Variants in TDRD3 observed in about 807,000 individuals in gnomAD.
TDRD3 encodes tudor domain containing 3.
TDRD3 carries 45 observed loss-of-function variants against 86.7 expected under a neutral mutation model. The observed-to-expected ratio is 0.52, with a 90% CI of 0.41 to 0.67. The LOEUF is 0.67. Ranked by LOEUF, TDRD3 falls within the 30% of genes least tolerant of loss-of-function variation. The pLI is 0.00. For missense variants in TDRD3, 814 were observed against 889.0 expected, an observed-to-expected ratio of 0.92 and a Z score of 1.07; for synonymous variants, 298 against 301.7, an observed-to-expected ratio of 0.99 and a Z score of 0.13.
At chr13:60,481,393 G>T in intron 5 of TDRD3, among the ~76,000 whole-genome samples, 2 of 139,280 alleles carry the variant, frequency 1.4e-5, no homozygotes, top group African/African-American at 2.7e-5. Context: ...ACATACATTA[G>T]ACTGCTGGTA....
At chr13:60,455,059 G>A (rs1482190429) in intron 3 of TDRD3, among the ~76,000 whole-genome samples, 3 of 151,916 alleles carry the variant, frequency 2.0e-5, no homozygotes, top group Non-Finnish European at 2.9e-5. Context: ...GATTACAGGC[G>A]CCTGCCACCA....
chr13:60,408,802 C>T (rs1954293200), intron 1 of TDRD3, among the ~76,000 whole-genome samples: 1 of 152,152 alleles, frequency 6.6e-6, no homozygotes, highest in South Asian at 2.1e-4. Flanking sequence ...AAAGAAAAAC[C>T]CATTTTCTAG....
intron 4 of TDRD3, chr13:60,461,033 A>T (rs538419497): frequency 3.3e-5 from 5 of 151,944 alleles, no homozygotes; most frequent in East Asian, 1.9e-4. Flanking sequence ...AAAATAAATT[A>T]AAAAATAGTT....
intron 6 of TDRD3, among the ~76,000 whole-genome samples, chr13:60,485,165 C>G (rs1266086197): frequency 6.6e-6 from 1 of 151,954 alleles, no homozygotes; most frequent in African/African-American, 2.4e-5. Context: ...TCCCATTTTC[C>G]TTTTTATTAA....
At chr13:60,395,649 T>A (rs1482672960), upstream of TDRD3, among the ~76,000 whole-genome samples, 1 of 152,212 alleles carries the variant, frequency 6.6e-6, no homozygotes, top group Admixed American at 6.5e-5. Context: ...TACAACATAT[T>A]TTCATAGTTA....
At chr13:60,529,512 A>G (rs1389178148) in intron 11 of TDRD3, among the ~76,000 whole-genome samples, 1 of 152,186 alleles carries the variant, frequency 6.6e-6, no homozygotes, top group Non-Finnish European at 1.5e-5. Context: ...TTTACTTATC[A>G]TCAACTGAAT....
chr13:60,433,176 A>G (rs1954997319), intron 1 of TDRD3, among the ~76,000 whole-genome samples: 1 of 152,308 alleles, frequency 6.6e-6, no homozygotes, highest in Middle Eastern at 3.4e-3. Context: ...TCAGGAAGTC[A>G]AGTTGCAGTT....
intron 1 of TDRD3, among the ~76,000 whole-genome samples, chr13:60,408,446 A>C (rs1954285098): frequency 6.6e-6 from 1 of 152,258 alleles, no homozygotes; most frequent in Non-Finnish European, 1.5e-5. Flanking sequence ...AATGTGGGAA[A>C]GTTTGGAACT....
chr13:60,470,574 A>G (rs1382305464), intron 5 of TDRD3, among the ~76,000 whole-genome samples: 1 of 148,540 alleles, frequency 6.7e-6, no homozygotes, highest in Non-Finnish European at 1.5e-5. Flanking sequence ...GTAAAATAGA[A>G]TATCATTATA....
At chr13:60,525,013 G>C (rs193031989) in intron 10 of TDRD3, among the ~76,000 whole-genome samples, 20,890 of 142,236 alleles carry the variant, frequency 0.15, 1,773 homozygotes, top group African/African-American at 0.21. Context: ...CTTGAACCCG[G>C]GAGGTGGAGG....
At chr13:60,441,597 A>AT (rs1179901386) in intron 2 of TDRD3, among the ~76,000 whole-genome samples, 3 of 152,056 alleles carry the variant, frequency 2.0e-5, no homozygotes, top group Non-Finnish European at 2.9e-5. Context: ...ATTCTGTTGA[A>AT]TTTTTTTCAA....
rs969452273 is a variant in TDRD3 at position 60,402,907 on chromosome 13, A to G, written c.41+5502A>G. Among the ~76,000 whole-genome samples, 20 of 152,084 alleles carry G rather than the reference A, an allele frequency of 1.3e-4. No individual in the cohort carries two copies. The East Asian group carries it at 3.7e-3, about 28-fold the overall frequency. ...TGGAGCTTATTGGAGACATCCTTCT[A>G]TTTTGAAATATTTTCTATTTCTTTA... is the stretch of plus-strand genomic sequence containing the variant. On this transcript the variant is annotated intron_variant, in intron 1 of 13. Transcript: ENST00000377881.
At chr13:60,520,501 C>A (rs942729520) in intron 10 of TDRD3, among the ~76,000 whole-genome samples, 1 of 152,172 alleles carries the variant, frequency 6.6e-6, no homozygotes, top group East Asian at 1.9e-4. Context: ...CTCACCTAAA[C>A]CCCATTTCTC....
chr13:60,563,319 A>C (rs1448821909), intron 12 of TDRD3, among the ~76,000 whole-genome samples: 1 of 152,128 alleles, frequency 6.6e-6, no homozygotes, highest in African/African-American at 2.4e-5. Context: ...ATTTTCAGCA[A>C]ATAGAGCCCC....
intron 8 of TDRD3, among the ~76,000 whole-genome samples, chr13:60,509,105 T>C (rs1956998945): frequency 6.6e-6 from 1 of 152,212 alleles, no homozygotes; most frequent in Non-Finnish European, 1.5e-5. Flanking sequence ...GTTTTGTTTT[T>C]CTCAGCTGGC....
intron 3 of TDRD3, among the ~76,000 whole-genome samples, chr13:60,459,247 C>G (rs1261675885): frequency 1.3e-5 from 2 of 152,126 alleles, no homozygotes. Flanking sequence ...TTAATATGCA[C>G]AGAAAGATTT....
chr13:60,530,235 TC>T (rs1391731508), intron 11 of TDRD3, among the ~76,000 whole-genome samples: 3 of 152,214 alleles, frequency 2.0e-5, no homozygotes, highest in African/African-American at 7.2e-5. Context: ...CCGTCTGTAG[TC>T]TTGCTTCTTT....
At chr13:60,508,562 C>T (rs1956987110) in intron 8 of TDRD3, among the ~76,000 whole-genome samples, 1 of 152,074 alleles carries the variant, frequency 6.6e-6, no homozygotes, top group South Asian at 2.1e-4. Context: ...AACTGGCTAG[C>T]CATATGCAGA....
At chr13:60,521,488 A>G (rs951682540) in intron 10 of TDRD3, among the ~76,000 whole-genome samples, 1 of 152,228 alleles carries the variant, frequency 6.6e-6, no homozygotes, top group South Asian at 2.1e-4. Flanking sequence ...GTAATACAGA[A>G]ATGAATGAGA....
Sources: allele counts gnomAD v4.1 joint callset (sites outside exome capture counted in the v4.1 genomes callset), GRCh38; gene constraint gnomAD v4.1.1; transcripts MANE v1.5; gene names NCBI Gene and HGNC (gene_info 2026-07-23, HGNC 2026-07-21).